Variants in TRHDE observed in about 807,000 individuals in gnomAD.
The protein encoded by TRHDE is thyrotropin-releasing hormone-degrading ectoenzyme.
TRHDE carries 72 observed loss-of-function variants against 125.7 expected under a neutral mutation model. That is an observed-to-expected ratio of 0.57 (90% CI 0.47 to 0.70). The LOEUF (loss-of-function observed/expected upper bound fraction) is 0.70, where lower values mean the gene tolerates loss of function less well. Ranked by LOEUF, TRHDE falls within the 30% of genes least tolerant of loss-of-function variation. TRHDE has a pLI of 0.00. For synonymous variants in TRHDE, 509 were observed against 509.1 expected (o/e 1.00, Z 0.00); for missense variants, 1,110 against 1,327.1 (o/e 0.84, Z 2.54).
At chr12:72,309,812 T>C (rs1038569752) in intron 2 of TRHDE, 4 of 152,180 alleles carry the variant, frequency 2.6e-5, no homozygotes, top group Admixed American at 6.6e-5. Flanking sequence ...TGAATGCTTG[T>C]AATAGAATGG....
intron 12 of TRHDE, among the ~76,000 whole-genome samples, chr12:72,591,186 A>G (rs867973699): frequency 1.3e-5 from 2 of 152,176 alleles, no homozygotes; most frequent in Non-Finnish European, 2.9e-5. Flanking sequence ...CCATGATTCA[A>G]TTACTTCCCA....
At chr12:72,593,180 G>A (rs1871767643) in intron 12 of TRHDE, among the ~76,000 whole-genome samples, 1 of 152,174 alleles carries the variant, frequency 6.6e-6, no homozygotes, top group Non-Finnish European at 1.5e-5. Flanking sequence ...CAGAAAGGCT[G>A]TGTTTCCACA....
rs113484964 is a variant in TRHDE at position 72,195,940 on chromosome 12, A to G, written n.279+90188A>G. On this transcript the variant is annotated intron_variant and non_coding_transcript_variant, in intron 2 of 4. Coordinates refer to the TRHDE transcript ENST00000548156. ...TATGGGTCCAGTTTCGTTCTTCTGC[A>G]TATGGCTAGCCAGCTATCCAAGCAC... is the stretch of plus-strand genomic sequence containing the variant. 3.0e-3 allele frequency among the ~76,000 whole-genome samples: 458 copies of G among 152,308 alleles called. 3 individuals are homozygous for G. Among genetic ancestry groups the G allele is most frequent in the East Asian group, 0.016 (85 of 5,184 alleles).
intron 3 of TRHDE, among the ~76,000 whole-genome samples, chr12:72,465,856 C>G (rs1251463163): frequency 6.6e-6 from 1 of 152,136 alleles, no homozygotes; most frequent in Non-Finnish European, 1.5e-5. Flanking sequence ...TAGTAGCATA[C>G]AATGTTTTCT....
In TRHDE at chr12:72,664,581, C is replaced by A. The variant is rs1176788989; in HGVS notation, c.*1386C>A. The stretch of plus-strand genomic sequence containing the variant: ...ATGGTATTCTCACCCAGTAGGCCAG[C>A]TCTCCAAACGTTGCTTAGATGCTTC... On this transcript the variant is annotated 3_prime_UTR_variant, in exon 19 of 19. Coordinates refer to ENST00000261180, the MANE Select transcript of TRHDE (RefSeq NM_013381.3). The A allele has an allele frequency of 1.3e-5, 2 of 152,096 alleles. No homozygotes were observed. The allele number at this position is 152,096 out of a possible 1,614,324, so 9.4% of individuals were successfully genotyped here.
At chr12:72,230,380 G>A (rs957660218) in intron 2 of TRHDE, among the ~76,000 whole-genome samples, 31 of 152,172 alleles carry the variant, frequency 2.0e-4, no homozygotes, top group African/African-American at 7.0e-4. Flanking sequence ...TTACATGAAT[G>A]CATTGGCAAT....
At chr12:72,339,254 A>G (rs1869970439) in intron 2 of TRHDE, among the ~76,000 whole-genome samples, 1 of 152,124 alleles carries the variant, frequency 6.6e-6, no homozygotes, top group Admixed American at 6.6e-5. Context: ...TTTACCTTAT[A>G]TTTTACTGAA....
intron 2 of TRHDE, among the ~76,000 whole-genome samples, chr12:72,174,490 T>G (rs981679868): frequency 5.9e-5 from 9 of 152,238 alleles, no homozygotes; most frequent in Non-Finnish European, 1.0e-4. Flanking sequence ...TATATCATTT[T>G]TTTCTTCCCA....
chr12:72,162,890 G>A (rs186214244), intron 2 of TRHDE: 6 of 150,812 alleles, frequency 4.0e-5, no homozygotes, highest in African/African-American at 7.3e-5. Flanking sequence ...GGAAGAAAAG[G>A]ACTTTGGGGT....
chr12:72,499,417 A>G, intron 5 of TRHDE, 81 bp from the exon 6 acceptor site: 2 of 1,493,780 alleles, frequency 1.3e-6, no homozygotes. Flanking sequence ...CAATTAAGTG[A>G]CACACATTAT....
intron 2 of TRHDE, among the ~76,000 whole-genome samples, chr12:72,158,345 T>TAA (rs905837378): frequency 1.3e-5 from 2 of 151,460 alleles, no homozygotes; most frequent in African/African-American, 2.4e-5. Context: ...TGTATATATA[T>TAA]AATATATATG....
At chr12:72,358,500 T>C (rs1170097968) in intron 2 of TRHDE, among the ~76,000 whole-genome samples, 1 of 151,634 alleles carries the variant, frequency 6.6e-6, no homozygotes, top group East Asian at 1.9e-4. Context: ...AACTGTGTTA[T>C]CAGTGAGGTG....
At chr12:72,511,166 C>A (rs914444011) in intron 6 of TRHDE, among the ~76,000 whole-genome samples, 1 of 152,030 alleles carries the variant, frequency 6.6e-6, no homozygotes, top group African/African-American at 2.4e-5. Flanking sequence ...AAAATGTGCT[C>A]CCAAATTAAT....
At chr12:72,298,204 C>T (rs146493883) in intron 2 of TRHDE, among the ~76,000 whole-genome samples, 1 of 152,134 alleles carries the variant, frequency 6.6e-6, no homozygotes, top group Non-Finnish European at 1.5e-5. Context: ...TCAGTGTATC[C>T]ATGATTACAG....
chr12:72,523,231 G>T (rs1018045219), intron 6 of TRHDE, among the ~76,000 whole-genome samples: 2 of 151,910 alleles, frequency 1.3e-5, no homozygotes, highest in Non-Finnish European at 2.9e-5. Context: ...TAAATCATAA[G>T]AAAGTTAAGT....
chr12:72,160,556 G>T (rs1449862726), intron 2 of TRHDE, among the ~76,000 whole-genome samples: 1 of 152,106 alleles, frequency 6.6e-6, no homozygotes, highest in African/African-American at 2.4e-5. Context: ...GGGCTTGGTG[G>T]AGGGCACCTG....
intron 2 of TRHDE, among the ~76,000 whole-genome samples, chr12:72,307,066 G>T (rs1315540491): frequency 1.3e-5 from 2 of 152,138 alleles, no homozygotes; most frequent in African/African-American, 2.4e-5. Flanking sequence ...TGTAGGTAGG[G>T]CCTTCTAGGT....
chr12:72,528,246 T>G (rs963272551), intron 6 of TRHDE, among the ~76,000 whole-genome samples: 2 of 152,216 alleles, frequency 1.3e-5, no homozygotes, highest in African/African-American at 4.8e-5. Context: ...AAGCCTTGTT[T>G]ATTTAGTACC....
intron 2 of TRHDE, among the ~76,000 whole-genome samples, chr12:72,248,342 C>T (rs542649064): frequency 1.7e-3 from 231 of 132,572 alleles, no homozygotes; most frequent in Non-Finnish European, 2.7e-3. Context: ...TGCTTCAACT[C>T]GGGAGGCGGA....
Sources: allele counts gnomAD v4.1 joint callset (sites outside exome capture counted in the v4.1 genomes callset), GRCh38; gene constraint gnomAD v4.1.1; transcripts MANE v1.5; gene names NCBI Gene and HGNC (gene_info 2026-07-23, HGNC 2026-07-21).